TMEM237: variants seen among roughly 807,000 people sequenced by gnomAD.
TMEM237 encodes the protein transmembrane protein 237.
A neutral mutation model predicts 59.1 loss-of-function variants in TMEM237; 51 were observed. That is an observed-to-expected ratio of 0.86 (90% CI 0.69 to 1.09). The LOEUF (loss-of-function observed/expected upper bound fraction) is 1.09, where lower values mean the gene tolerates loss of function less well. Among genes scored for constraint, TMEM237 ranks in the 50% least tolerant of loss-of-function variants. The pLI, the probability that TMEM237 is intolerant of heterozygous loss-of-function variation, is 0.00. For synonymous variants in TMEM237, 140 were observed against 166.1 expected (o/e 0.84, Z 1.21); for missense variants, 475 against 478.3 (o/e 0.99, Z 0.06).
intron 2 of TMEM237, 33 bp downstream of exon 2, chr2:201,640,860 C>G (rs754483709): frequency 5.5e-5 from 84 of 1,527,118 alleles, no homozygotes; most frequent in Non-Finnish European, 7.3e-5. Context: ...ATTTTTAAAG[C>G]TCAATAATGA....
At chr2:201,629,910 T>C in intron 7 of TMEM237, 58 bp from the exon 8 acceptor site, 1 of 1,570,940 alleles carries the variant, frequency 6.4e-7, no homozygotes, top group Non-Finnish European at 8.6e-7. Flanking sequence ...GGTAGCCATT[T>C]TTTTTTTTAA....
chr2:201,629,730 T>C lies in TMEM237; in HGVS notation c.676A>G (p.Arg226Gly), dbSNP rs2105899169. The C allele has an allele frequency of 4.4e-6, 7 of 1,591,532 alleles. No individual in the cohort carries two copies. Among genetic ancestry groups the C allele is most frequent in the Admixed American group, 1.9e-5 (1 of 51,566 alleles). Residue 226 changes from arginine (R) to glycine (G), a missense_variant and splice_region_variant, in exon 8 of 13, where the codon AGG becomes GGG. Arg to Gly is a moderately radical substitution (Grantham distance 125). Transcript: ENST00000409883. ...DVALTVHRAF[R>G]MIGLFSHGFL... ...GAAAAGTCCAACAAAAGCAGCCACC[T>C]GAAAGCCCGGTGCACTGTAAGTGCC...
At chr2:201,642,982 C>T in intron 1 of TMEM237, 1 of 1,299,796 alleles carries the variant, frequency 7.7e-7, no homozygotes, top group Non-Finnish European at 9.7e-7. Flanking sequence ...AAGGACTCCG[C>T]AGGCGAACAG....
intron 4 of TMEM237, 39 bp from the exon 5 acceptor site, chr2:201,636,924 A>T: frequency 6.4e-7 from 1 of 1,560,990 alleles, no homozygotes; most frequent in Non-Finnish European, 8.6e-7. Flanking sequence ...AGATTACTTG[A>T]GCAAAGATCA....
In TMEM237 at chr2:201,623,791, C is replaced by G. The variant is rs1957732351; in HGVS notation, c.*464G>C. On this transcript the variant is annotated 3_prime_UTR_variant, in exon 13 of 13. Coordinates refer to ENST00000409883, the MANE Select transcript of TMEM237 (RefSeq NM_001044385.3). ...ATAATTATTACATGATACTCAATCA[C>G]TAAGCCAGTTTCAGAAAAGACAAAC... The G allele has an allele frequency of 6.5e-6, 1 of 152,980 alleles. No individual in the cohort carries two copies. Among genetic ancestry groups the G allele is most frequent in the Admixed American group, 6.5e-5 (1 of 15,294 alleles). The allele number at this position is 152,980 out of a possible 1,614,324, so 9.5% of individuals were successfully genotyped here. A position where few individuals can be genotyped will look rare whatever the true frequency, so the allele number is the denominator to read the frequency against.
chr2:201,632,186 G>A lies in TMEM237; in HGVS notation c.418C>T (p.Gln140Ter), dbSNP rs972221242. The change falls in exon 7 of 13, where the codon CAG (glutamine) becomes TAG (stop). Residue 140 changes from glutamine (Q) to a stop codon, truncating the protein, a stop_gained. Coordinates refer to ENST00000409883, the MANE Select transcript of TMEM237 (RefSeq NM_001044385.3). LOFTEE classifies it high-confidence loss of function. ...TCTACTCCTAGCTCATTGGCATACT[G>A]TAATTCTGCTGGCTGGGTTTTCCTG... ...KTKKTQPAEL[Q>*]YANELGVEDE... 3.1e-6 allele frequency: 5 copies of A among 1,613,758 alleles called. No homozygotes were observed. The highest frequency in any genetic ancestry group is 1.7e-5 in the Admixed American group (1 of 60,018).
rs1171330669 is a variant in TMEM237, at chr2:201,642,658, C to A, written c.42+701G>T. On this transcript the variant is annotated intron_variant, in intron 1 of 12. Coordinates refer to ENST00000409883, the MANE Select transcript of TMEM237 (RefSeq NM_001044385.3). ...TTTAGCCGGCCTCGGCGGCCGCCGGCCCCCAAGCACCTGGCGCCCCACCCC... is the reference window on the plus strand; with the variant it reads ...TTTAGCCGGCCTCGGCGGCCGCCGGACCCCAAGCACCTGGCGCCCCACCCC... 6 of 1,607,466 alleles carry A rather than the reference C, an allele frequency of 3.7e-6. No individual in the cohort carries two copies. The South Asian group carries it at 4.4e-5, about 12-fold the overall frequency.
rs1322542416 is a variant in TMEM237 at position 201,635,810 on chromosome 2, T to C, written c.274+938A>G. 6.6e-6 allele frequency among the ~76,000 whole-genome samples: 1 copy of C among 151,524 alleles called. No individual in the cohort carries two copies. Among genetic ancestry groups the C allele is most frequent in the African/African-American group, 2.4e-5 (1 of 41,250 alleles). ...GAAGAAACAAGGAAGGATTCTTTTC[T>C]AGAGACTTCAGAGGGAGCATAGTCC... On this transcript the variant is annotated intron_variant, in intron 5 of 12. Transcript: ENST00000409883. The surrounding 1 kb of genome is among the most constrained non-coding windows in gnomAD (Gnocchi z 4.5).
At position 201,639,064 on chromosome 2, in the gene TMEM237, C is replaced by G; in HGVS notation, c.80-19G>C. 6.4e-7 allele frequency: 1 copy of G among 1,564,604 alleles called. No individual in the cohort carries two copies. The highest frequency in any genetic ancestry group is 1.2e-5 in the South Asian group (1 of 84,658). On this transcript the variant is annotated intron_variant, in intron 3 of 12. Coordinates refer to ENST00000409883, the MANE Select transcript of TMEM237 (RefSeq NM_001044385.3). ...ATATCATCTATAAAGCAAGAAAAAA[C>G]GTCAACAGAAAAGGGTGCCTAAAAT...
Position 201,640,923 on chromosome 2 carries a change from C to A in TMEM237, c.44G>T (p.Arg15Leu), listed in dbSNP as rs560695891. 3 of 1,600,752 alleles carry A rather than the reference C, an allele frequency of 1.9e-6. No individual in the cohort carries two copies. The South Asian group carries it at 3.4e-5, about 18-fold the overall frequency. The change falls in exon 2 of 13, where the codon CGT becomes CTT. Residue 15 changes from arginine (R) to leucine (L), a missense_variant and splice_region_variant. By Grantham distance (102) the Arg-to-Leu change is moderately radical. Coordinates refer to ENST00000409883, the MANE Select transcript of TMEM237 (RefSeq NM_001044385.3). ...SGARLEEGHL[R>L]PPRALPPVPS... ...CACAGGTGGAAGAGCTCGTGGAGGA[C>A]GCTGTGGCGGAAAAAATAAATTTGC...
At chr2:201,626,272 A>C in intron 11 of TMEM237, 125 bp from the exon 12 acceptor site, 2 of 1,040,444 alleles carry the variant, frequency 1.9e-6, no homozygotes, top group Non-Finnish European at 2.7e-6. Context: ...GTAAAGTGTG[A>C]AAGAAAATAT....
chr2:201,643,230 C>T lies in TMEM237; in HGVS notation c.42+129G>A. 1.9e-6 allele frequency: 2 copies of T among 1,050,566 alleles called. No individual in the cohort carries two copies. The highest frequency in any genetic ancestry group is 2.8e-6 in the Non-Finnish European group (2 of 725,674). 65.1% of individuals were successfully genotyped at this position (1,050,566 alleles called of 1,614,324 possible). The stretch of plus-strand genomic sequence containing the variant: ...AACACTGGAGGGGCGGATGCGCGCA[C>T]CCCACGAGCAAGGCCCTCCCTTAGT... On this transcript the variant is annotated intron_variant, in intron 1 of 12. Transcript: ENST00000409883. The surrounding 1 kb of genome is among the most constrained non-coding windows in gnomAD (Gnocchi z 4.3).
intron 1 of TMEM237, chr2:201,642,656 G>C: frequency 6.2e-7 from 1 of 1,607,842 alleles, no homozygotes; most frequent in Non-Finnish European, 8.5e-7. Flanking sequence ...GGCGGCCGCC[G>C]GCCCCCAAGC....
chr2:201,629,964 G>A (rs1304015278), intron 7 of TMEM237, 112 bp from the exon 8 acceptor site: 53 of 1,362,280 alleles, frequency 3.9e-5, no homozygotes, highest in Non-Finnish European at 7.0e-6. Context: ...AAATATTGCT[G>A]TTCTATCTGA....
chr2:201,632,359 A>G (rs531983357), intron 6 of TMEM237, 151 bp from the exon 7 acceptor site: 1 of 342,386 alleles, frequency 2.9e-6, no homozygotes, highest in South Asian at 1.2e-4. Context: ...ATTAACTATT[A>G]TGTGCAGCAA....
At position 201,641,021 on chromosome 2, in the gene TMEM237, T is replaced by C. The variant is rs1687403005; in HGVS notation, c.43-97A>G. 1.0e-5 allele frequency: 11 copies of C among 1,074,488 alleles called. No homozygotes were observed. In the South Asian group the frequency reaches 1.1e-4, roughly 11 times the overall value. 66.6% of individuals were successfully genotyped at this position (1,074,488 alleles called of 1,614,324 possible). On this transcript the variant is annotated intron_variant, in intron 1 of 12. Transcript: ENST00000409883. ...ATTTTTTTTTTTTTGAGATGGTGTA[T>C]TGCTGTGTGGCCCAGGCTGGAGTGC...
chr2:201,633,439 CAAAAT>C lies in TMEM237; in HGVS notation c.275-13_275-9del. 6 of 1,510,362 alleles carry C rather than the reference CAAAAT, an allele frequency of 4.0e-6. No individual in the cohort carries two copies. Among genetic ancestry groups the C allele is most frequent in the Non-Finnish European group, 4.4e-6 (5 of 1,131,254 alleles). The allele number at this position is 1,510,362 out of a possible 1,614,324, so 93.6% of individuals were successfully genotyped here. On this transcript the variant is annotated splice_polypyrimidine_tract_variant and intron_variant, in intron 5 of 12. Transcript: ENST00000409883. ...TGGAGGAAGTCTCCAATTCTGAAAA[CAAAAT>C]AAATTTAACTTTTCAAATAACTAAA... is the stretch of plus-strand genomic sequence containing the variant.
chr2:201,640,462 CTAA>C (rs1687390705), intron 2 of TMEM237, among the ~76,000 whole-genome samples, 197 bp from the exon 3 acceptor site: 1 of 152,048 alleles, frequency 6.6e-6, no homozygotes, highest in Non-Finnish European at 1.5e-5. Context: ...AATAACACTG[CTAA>C]TAAAATAATG....
intron 4 of TMEM237, chr2:201,638,690 C>T (rs1687349392): frequency 8.3e-6 from 3 of 360,526 alleles, no homozygotes; most frequent in Non-Finnish European, 9.9e-6. Context: ...TAGCTTAAAA[C>T]CATGTATGTT....
Sources: gnomAD v4.1 joint callset for allele counts (sites outside exome capture counted in the v4.1 genomes callset) on GRCh38, gnomAD v4.1.1 for gene constraint, Gnocchi (gnomAD v3.1) non-coding constraint, MANE v1.5 for transcripts, NCBI Gene and HGNC (gene_info 2026-07-23, HGNC 2026-07-21) for gene names.